The following FSTL4 variants were observed in gnomAD, a reference collection of about 807,000 sequenced individuals.
FSTL4 encodes the protein follistatin like 4, also known as follistatin-related protein 4.
FSTL4 carries 28 observed loss-of-function variants against 78.2 expected under a neutral mutation model. That is an observed-to-expected ratio of 0.36 (90% CI 0.27 to 0.49). The LOEUF (loss-of-function observed/expected upper bound fraction) is 0.49. Ranked by LOEUF, FSTL4 falls within the 20% of genes least tolerant of loss-of-function variation. The pLI, the probability that FSTL4 is intolerant of heterozygous loss-of-function variation, is 0.98. For synonymous variants in FSTL4, 422 were observed against 440.5 expected (o/e 0.96, Z 0.53); for missense variants, 922 against 1,084.9 (o/e 0.85, Z 2.11).
intron 3 of FSTL4, among the ~76,000 whole-genome samples, chr5:133,438,120 CTTCTTTTAAAAAA>C (rs1255052692): frequency 1.3e-5 from 2 of 152,170 alleles, no homozygotes; most frequent in Admixed American, 6.5e-5. Context: ...ACTTGAAGTA[CTTCTTTTAAAAAA>C]TAAGAAAAAG....
chr5:133,472,336 G>T (rs565476475), intron 3 of FSTL4, among the ~76,000 whole-genome samples: 1 of 152,152 alleles, frequency 6.6e-6, no homozygotes, highest in Non-Finnish European at 1.5e-5. Flanking sequence ...TAACATAAGG[G>T]TGTACCCCAG....
intron 2 of FSTL4, chr5:133,583,281 A>C: frequency 2.4e-6 from 1 of 421,056 alleles, no homozygotes; most frequent in South Asian, 1.6e-5. Context: ...CTTAAGATCA[A>C]GGCCCCAGGA....
intron 3 of FSTL4, chr5:133,427,574 T>C (rs993813591): frequency 4.2e-6 from 2 of 481,002 alleles, no homozygotes; most frequent in African/African-American, 4.3e-5. Context: ...GTGCACGCAA[T>C]GGCGGGGGGA....
intron 3 of FSTL4, among the ~76,000 whole-genome samples, chr5:133,415,554 T>C (rs1264552388): frequency 1.3e-5 from 2 of 152,154 alleles, no homozygotes; most frequent in African/African-American, 2.4e-5. Flanking sequence ...CTATGTTTTA[T>C]CTTCAAAAAG....
chr5:133,637,974 TAATA>T, the FSTL4 span, among the ~76,000 whole-genome samples: 2 of 150,814 alleles, frequency 1.3e-5, no homozygotes, highest in African/African-American at 2.4e-5. Context: ...ATAATAATAA[TAATA>T]AATTAATTAA....
intron 7 of FSTL4, among the ~76,000 whole-genome samples, chr5:133,242,301 G>A (rs947059742): frequency 6.6e-6 from 1 of 152,154 alleles, no homozygotes; most frequent in Non-Finnish European, 1.5e-5. Context: ...GTGCCTTGGA[G>A]GGGTAGGCTC....
intron 6 of FSTL4, among the ~76,000 whole-genome samples, chr5:133,303,618 G>T (rs1327140998): frequency 6.6e-6 from 1 of 152,210 alleles, no homozygotes; most frequent in Non-Finnish European, 1.5e-5. Context: ...CTAACCCCAG[G>T]ACACAGCTTG....
At chr5:133,636,524 A>G in the FSTL4 span, among the ~76,000 whole-genome samples, 2 of 152,182 alleles carry the variant, frequency 1.3e-5, no homozygotes, top group Admixed American at 1.3e-4. Context: ...TCTTCCACCT[A>G]TGAGCTGTGC....
intron 3 of FSTL4, among the ~76,000 whole-genome samples, chr5:133,471,466 C>A (rs749636583): frequency 4.6e-5 from 7 of 152,130 alleles, no homozygotes; most frequent in Non-Finnish European, 7.4e-5. Context: ...GAGTGGAATT[C>A]TCATGGATGG....
intron 2 of FSTL4, among the ~76,000 whole-genome samples, chr5:133,602,015 C>G (rs1164825953): frequency 6.6e-6 from 1 of 152,030 alleles, no homozygotes; most frequent in African/African-American, 2.4e-5. Flanking sequence ...AAACCTTTAA[C>G]CTAGGCCATC....
chr5:133,380,569 T>C (rs1463064617), intron 4 of FSTL4, among the ~76,000 whole-genome samples: 1 of 151,896 alleles, frequency 6.6e-6, no homozygotes, highest in Non-Finnish European at 1.5e-5. Flanking sequence ...ACCAAATTAA[T>C]TCACTGGTAA....
intron 4 of FSTL4, among the ~76,000 whole-genome samples, chr5:133,349,086 C>T (rs769690852): frequency 2.9e-4 from 44 of 152,234 alleles, no homozygotes; most frequent in Non-Finnish European, 5.9e-4. Context: ...ACACAGACCC[C>T]GTGTCCTCGT....
chr5:133,661,052 A>G, the FSTL4 span, among the ~76,000 whole-genome samples: 1 of 152,090 alleles, frequency 6.6e-6, no homozygotes, highest in Non-Finnish European at 1.5e-5. Context: ...GTGCAATGGC[A>G]CGAGCTCAGC....
chr5:133,388,397 T>A (rs1320952007), intron 4 of FSTL4: 1 of 152,248 alleles, frequency 6.6e-6, no homozygotes, highest in Non-Finnish European at 1.5e-5. Flanking sequence ...ATTCTACCAA[T>A]GTTCTTCATT....
intron 3 of FSTL4, among the ~76,000 whole-genome samples, chr5:133,413,087 A>G (rs1002753284): frequency 2.8e-4 from 43 of 152,046 alleles, no homozygotes; most frequent in African/African-American, 1.0e-3. Flanking sequence ...TTATTCTTCT[A>G]CTGTTTATCT....
At chr5:133,388,985 T>C (rs1755774454) in intron 4 of FSTL4, among the ~76,000 whole-genome samples, 1 of 152,188 alleles carries the variant, frequency 6.6e-6, no homozygotes, top group Admixed American at 6.5e-5. Flanking sequence ...TCTGCAATTG[T>C]ATTTCAGGTT....
intron 3 of FSTL4, among the ~76,000 whole-genome samples, chr5:133,434,098 G>T (rs970369026): frequency 6.6e-6 from 1 of 152,170 alleles, no homozygotes; most frequent in African/African-American, 2.4e-5. Flanking sequence ...GGCAAAAGGG[G>T]AGGGAGGGAG....
intron 7 of FSTL4, among the ~76,000 whole-genome samples, chr5:133,242,461 G>T (rs778886040): frequency 1.3e-5 from 2 of 152,156 alleles, no homozygotes; most frequent in Non-Finnish European, 2.9e-5. Context: ...GAACCTTCCT[G>T]TGGGACCCTG....
the FSTL4 span, among the ~76,000 whole-genome samples, chr5:133,701,145 G>A: frequency 6.6e-6 from 1 of 152,260 alleles, no homozygotes; most frequent in East Asian, 1.9e-4. Context: ...GCTCATGCAT[G>A]TAAACCCAGC....
Sources: gnomAD v4.1 joint callset for allele counts (sites outside exome capture counted in the v4.1 genomes callset) on GRCh38, gnomAD v4.1.1 for gene constraint, MANE v1.5 for transcripts, NCBI Gene and HGNC (gene_info 2026-07-23, HGNC 2026-07-21) for gene names.